RBFOX1: variants seen among roughly 807,000 people sequenced by gnomAD.
RBFOX1 encodes the protein RNA binding protein fox-1 homolog 1.
In RBFOX1, 8 loss-of-function variants were observed where a neutral mutation model predicts 57.7. The observed-to-expected ratio is 0.14, with a 90% CI of 0.08 to 0.25. The LOEUF is 0.25. Among genes scored for constraint, RBFOX1 ranks in the 10% least tolerant of loss-of-function variants. RBFOX1 has a pLI of 1.00. For synonymous variants in RBFOX1, 326 were observed against 222.4 expected, an observed-to-expected ratio of 1.47 and a Z score of -4.15; for missense variants, 611 against 548.5, an observed-to-expected ratio of 1.11 and a Z score of -1.14.
At chr16:5,869,100 C>A (rs147363260) in intron 4 of RBFOX1, among the ~76,000 whole-genome samples, 2 of 152,282 alleles carry the variant, frequency 1.3e-5, no homozygotes, top group East Asian at 3.9e-4. Context: ...GAATTCATAA[C>A]CATGTCTGGC....
At chr16:6,565,671 T>C (rs1025429198) in intron 2 of RBFOX1, among the ~76,000 whole-genome samples, 2 of 152,140 alleles carry the variant, frequency 1.3e-5, no homozygotes, top group Admixed American at 6.6e-5. Flanking sequence ...GGTTTCACCA[T>C]GTTAGCCAGG....
At chr16:6,606,500 A>C (rs562217360) in intron 2 of RBFOX1, among the ~76,000 whole-genome samples, 6 of 152,228 alleles carry the variant, frequency 3.9e-5, no homozygotes, top group African/African-American at 1.4e-4. Flanking sequence ...TTAGCTGTTT[A>C]TCCTGATGCT....
intron 4 of RBFOX1, among the ~76,000 whole-genome samples, chr16:5,987,643 T>C (rs985260191): frequency 2.0e-5 from 3 of 152,102 alleles, no homozygotes; most frequent in East Asian, 1.9e-4. Flanking sequence ...TTCGAGGCTG[T>C]AGGGCACTAT....
At chr16:7,504,987 T>G (rs1230912268) in intron 4 of RBFOX1, among the ~76,000 whole-genome samples, 1 of 149,154 alleles carries the variant, frequency 6.7e-6, no homozygotes, top group Non-Finnish European at 1.5e-5. Flanking sequence ...TTCAGTGCAA[T>G]GTTAGGATAT....
chr16:7,562,654 T>C (rs1193619296), intron 5 of RBFOX1, among the ~76,000 whole-genome samples: 2 of 152,164 alleles, frequency 1.3e-5, no homozygotes. Context: ...CCAGGATGCA[T>C]TTGATTTCAT....
chr16:7,331,897 TA>T (rs2096702915), intron 4 of RBFOX1, among the ~76,000 whole-genome samples: 1 of 152,164 alleles, frequency 6.6e-6, no homozygotes, highest in African/African-American at 2.4e-5. Context: ...ATTGCTTGGG[TA>T]TTTTCAAACA....
chr16:6,768,875 C>T (rs1027536922), intron 3 of RBFOX1, among the ~76,000 whole-genome samples: 5 of 151,752 alleles, frequency 3.3e-5, no homozygotes, highest in African/African-American at 1.2e-4. Context: ...ACTATAGGCA[C>T]CCACCGTCAT....
At chr16:6,476,210 T>C (rs2153087296) in intron 2 of RBFOX1, among the ~76,000 whole-genome samples, 1 of 152,266 alleles carries the variant, frequency 6.6e-6, no homozygotes, top group South Asian at 2.1e-4. Context: ...AATAAGCACC[T>C]ATAATCTCAC....
At chr16:7,569,034 A>C (rs1386595718) in intron 5 of RBFOX1, among the ~76,000 whole-genome samples, 1 of 151,962 alleles carries the variant, frequency 6.6e-6, no homozygotes, top group African/African-American at 2.4e-5. Context: ...CCTAGGGAAG[A>C]CTTTCTTTCT....
In RBFOX1 at chr16:6,193,392, C is replaced by CTATATATATATA. The variant is rs55707901; in HGVS notation, c.-126-123580_-126-123569dup. Among the ~76,000 whole-genome samples the CTATATATATATA allele has an allele frequency of 6.9e-3, 296 of 43,154 alleles. 7 individuals carry two copies. The highest frequency in any genetic ancestry group is 0.014 in the African/African-American group (219 of 15,422). The allele number at this position is 43,154 out of a possible 152,430, so 28.3% of individuals were successfully genotyped here. On this transcript the variant is annotated intron_variant, in intron 1 of 15. Coordinates refer to ENST00000550418, the MANE Select transcript of RBFOX1 (RefSeq NM_018723.4). Reference sequence around the variant, plus strand: ...TATATATATACATTATATATATATACTATATATATATATATATATATATAT... The same window carrying CTATATATATATA: ...TATATATATACATTATATATATATACTATATATATATATATATATATATATATATATATATAT...
At chr16:6,392,943 T>G (rs2092671302) in intron 2 of RBFOX1, among the ~76,000 whole-genome samples, 2 of 152,210 alleles carry the variant, frequency 1.3e-5, no homozygotes, top group Non-Finnish European at 2.9e-5. Flanking sequence ...GAATGAACAA[T>G]GGACTGAAGT....
chr16:7,203,719 C>G (rs1339672615), intron 4 of RBFOX1, among the ~76,000 whole-genome samples: 1 of 151,906 alleles, frequency 6.6e-6, no homozygotes, highest in Non-Finnish European at 1.5e-5. Context: ...TTCCATTTCT[C>G]TGTTTCCCTT....
At position 7,447,365 on chromosome 16, in the gene RBFOX1, G is replaced by C. The variant is rs901384446; in HGVS notation, c.28-70782G>C. ...GAAGAATTGCTTGAGCCTGGGAGAC[G>C]GAGGTTGCAGTGAGCTGAGATCATG... On this transcript the variant is annotated intron_variant, in intron 4 of 15. Coordinates refer to ENST00000550418, the MANE Select transcript of RBFOX1 (RefSeq NM_018723.4). 3.3e-5 allele frequency among the ~76,000 whole-genome samples: 5 copies of C among 149,844 alleles called. No individual in the cohort carries two copies. In the East Asian group the frequency reaches 8.0e-4, roughly 24 times the overall value.
intron 1 of RBFOX1, among the ~76,000 whole-genome samples, chr16:6,138,356 A>G (rs937579225): frequency 4.6e-5 from 7 of 152,156 alleles, no homozygotes; most frequent in African/African-American, 1.7e-4. Flanking sequence ...TTATTGTTTT[A>G]ACATCTTTAG....
At chr16:5,487,789 A>T (rs1055878430) in intron 2 of RBFOX1, among the ~76,000 whole-genome samples, 1 of 152,120 alleles carries the variant, frequency 6.6e-6, no homozygotes, top group Non-Finnish European at 1.5e-5. Context: ...TATCTCCCTG[A>T]AATGGAATAA....
chr16:6,195,796 A>C (rs1014059028), intron 1 of RBFOX1, among the ~76,000 whole-genome samples: 7 of 152,098 alleles, frequency 4.6e-5, no homozygotes, highest in Admixed American at 2.6e-4. Flanking sequence ...CAGGGATGCC[A>C]AAATATGCTT....
chr16:6,579,439 TG>T (rs2097500642), intron 2 of RBFOX1, among the ~76,000 whole-genome samples: 1 of 152,156 alleles, frequency 6.6e-6, no homozygotes, highest in African/African-American at 2.4e-5. Flanking sequence ...CCATGTGTCA[TG>T]GGAGGGACCT....
At chr16:6,847,022 A>T (rs907602296) in intron 3 of RBFOX1, among the ~76,000 whole-genome samples, 1 of 152,048 alleles carries the variant, frequency 6.6e-6, no homozygotes, top group African/African-American at 2.4e-5. Context: ...AAGGTGTTAA[A>T]TCCCACAGCT....
intron 3 of RBFOX1, among the ~76,000 whole-genome samples, chr16:5,811,936 A>C (rs965618438): frequency 6.6e-6 from 1 of 151,978 alleles, no homozygotes; most frequent in Admixed American, 6.6e-5. Context: ...CTCTCCCTCA[A>C]CCTCCAGCTC....
Sources: allele counts gnomAD v4.1 joint callset (sites outside exome capture counted in the v4.1 genomes callset), GRCh38; gene constraint gnomAD v4.1.1; transcripts MANE v1.5; gene names NCBI Gene and HGNC (gene_info 2026-07-23, HGNC 2026-07-21).